TEX9: variants seen among roughly 807,000 people sequenced by gnomAD.
TEX9 encodes testis expressed 9, also known as testis-expressed protein 9.
In TEX9, 74 loss-of-function variants were observed where a neutral mutation model predicts 59.6. That is an observed-to-expected ratio of 1.24 (90% CI 1.03 to 1.51). TEX9 has a LOEUF of 1.51. Ranked by LOEUF, TEX9 falls within the 40% of genes most tolerant of loss-of-function variation. The pLI, the probability that TEX9 is intolerant of heterozygous loss-of-function variation, is 0.00. For synonymous variants in TEX9, 186 were observed against 152.2 expected, an observed-to-expected ratio of 1.22 and a Z score of -1.64; for missense variants, 522 against 447.8, an observed-to-expected ratio of 1.17 and a Z score of -1.49.
intron 1 of TEX9, among the ~76,000 whole-genome samples, chr15:56,281,798 A>T (rs1005839907): frequency 6.6e-6 from 1 of 152,178 alleles, no homozygotes. Context: ...CATGGTTATT[A>T]TTATGCTTTA....
intron 9 of TEX9, 26 bp from the exon 10 acceptor site, chr15:56,412,276 G>C: frequency 1.3e-6 from 2 of 1,571,852 alleles, no homozygotes; most frequent in Non-Finnish European, 1.7e-6. Context: ...ATTTATAAAT[G>C]TTCCATAATC....
At chr15:56,441,423 T>C (rs778889863) in intron 12 of TEX9, among the ~76,000 whole-genome samples, 5 of 152,172 alleles carry the variant, frequency 3.3e-5, no homozygotes, top group Non-Finnish European at 7.3e-5. Flanking sequence ...CAATACGATA[T>C]CCTGCGGTTC....
At chr15:56,432,915 G>T (rs1449121263) in intron 12 of TEX9, among the ~76,000 whole-genome samples, 3 of 152,050 alleles carry the variant, frequency 2.0e-5, no homozygotes, top group African/African-American at 7.2e-5. Flanking sequence ...TCTTCCTACC[G>T]ATTTTCAAAA....
the TEX9 span, among the ~76,000 whole-genome samples, chr15:56,457,680 G>C: frequency 6.6e-6 from 1 of 151,954 alleles, no homozygotes; most frequent in Non-Finnish European, 1.5e-5. Flanking sequence ...CAGGTGTGGT[G>C]GCACAAATCT....
chr15:56,292,118 T>C (rs930967739), intron 1 of TEX9, among the ~76,000 whole-genome samples: 1 of 152,246 alleles, frequency 6.6e-6, no homozygotes, highest in Admixed American at 6.5e-5. Context: ...TCCCCATAGT[T>C]AGGATACATG....
intron 12 of TEX9, among the ~76,000 whole-genome samples, chr15:56,435,204 A>G (rs900084526): frequency 6.6e-6 from 1 of 152,026 alleles, no homozygotes; most frequent in Admixed American, 6.6e-5. Context: ...TATATATAGC[A>G]CTAAATGCAT....
intron 10 of TEX9, among the ~76,000 whole-genome samples, chr15:56,426,600 T>TATATAC (rs2050272516): frequency 4.2e-5 from 1 of 24,054 alleles, no homozygotes; most frequent in East Asian, 7.5e-4. Context: ...TATATATATA[T>TATATAC]ATATATATAT....
intron 9 of TEX9, chr15:56,408,385 A>G (rs2049179653): frequency 6.6e-6 from 1 of 152,228 alleles, no homozygotes; most frequent in Admixed American, 6.5e-5. Flanking sequence ...CTTCTGGAGC[A>G]CCACAATCAT....
Position 56,383,991 on chromosome 15 carries a change from C to T in TEX9, c.223C>T (p.Gln75Ter). 2 of 1,612,424 alleles carry T rather than the reference C, an allele frequency of 1.2e-6. No homozygotes were observed. Among genetic ancestry groups the T allele is most frequent in the Non-Finnish European group, 1.7e-6 (2 of 1,179,180 alleles). ...AGTACGATCTAGGCCTGTTTCAACACAAATGAAATCATGTGATGACGAAGA... is the reference window on the plus strand; with the variant it reads ...AGTACGATCTAGGCCTGTTTCAACATAAATGAAATCATGTGATGACGAAGA... Residue 75 changes from glutamine to a stop codon, truncating the protein, a stop_gained, in exon 4 of 13, where the codon CAA becomes TAA. Coordinates refer to ENST00000352903, the Ensembl canonical transcript of TEX9. LOFTEE classifies it high-confidence loss of function.
At chr15:56,446,733 A>C (rs548473594), downstream of TEX9, 1 of 735,460 alleles carries the variant, frequency 1.4e-6, no homozygotes, top group East Asian at 2.8e-5. Flanking sequence ...ATATTTAAGA[A>C]ATCTAGCAGT....
chr15:56,338,568 A>G (rs932136535), intron 1 of TEX9, among the ~76,000 whole-genome samples: 15 of 26,286 alleles, frequency 5.7e-4, no homozygotes, highest in Non-Finnish European at 3.9e-3. Context: ...TATATTTGAA[A>G]TGGTTATTAT....
intron 1 of TEX9, among the ~76,000 whole-genome samples, chr15:56,278,588 G>T (rs2044737702): frequency 6.6e-6 from 1 of 152,150 alleles, no homozygotes; most frequent in South Asian, 2.1e-4. Flanking sequence ...TCTTTATGGG[G>T]ATATGGGTAG....
chr15:56,279,318 A>G (rs1258587242), intron 1 of TEX9, among the ~76,000 whole-genome samples: 1 of 152,230 alleles, frequency 6.6e-6, no homozygotes, highest in African/African-American at 2.4e-5. Context: ...ACTGTGTTAA[A>G]CAGGAGACCT....
At chr15:56,305,631 G>T (rs2045464808) in intron 1 of TEX9, among the ~76,000 whole-genome samples, 1 of 152,134 alleles carries the variant, frequency 6.6e-6, no homozygotes, top group Admixed American at 6.6e-5. Context: ...AATCAAAGTG[G>T]ATTAAACACT....
chr15:56,435,249 C>G (rs1031207625), intron 12 of TEX9, among the ~76,000 whole-genome samples: 1 of 151,704 alleles, frequency 6.6e-6, no homozygotes, highest in South Asian at 2.1e-4. Flanking sequence ...ATAATCTAAG[C>G]CCCCACTTCA....
chr15:56,443,881 T>C, intron 12 of TEX9: 1 of 1,461,326 alleles, frequency 6.8e-7, no homozygotes, highest in Non-Finnish European at 9.3e-7. Flanking sequence ...AGTACAGATT[T>C]ATAGTAAACA....
intron 10 of TEX9, among the ~76,000 whole-genome samples, chr15:56,420,536 A>G (rs795799): frequency 1 from 151,814 of 151,922 alleles, 75,855 homozygotes; most frequent in Non-Finnish European, 1. Context: ...TCGAACTACT[A>G]ACCTCGTGAT....
rs1304796720 is a variant in TEX9, at chr15:56,341,994, GT to G, written c.-106-31438del. Among the ~76,000 whole-genome samples the G allele has an allele frequency of 1.3e-4, 19 of 150,968 alleles. No homozygotes were observed. In the South Asian group the frequency reaches 2.7e-3, roughly 22 times the overall value. ...GTTCTCAAATTTTCTTGTCAGCTAT[GT>G]TTTTTTTTGATAAGTGAACTTTTTC... On this transcript the variant is annotated intron_variant, in intron 1 of 5. Coordinates refer to the TEX9 transcript ENST00000560827.
chr15:56,265,059 G>A (rs898555934), intron 1 of TEX9, among the ~76,000 whole-genome samples: 9 of 151,776 alleles, frequency 5.9e-5, no homozygotes, highest in African/African-American at 2.2e-4. Flanking sequence ...CTTCTTTTCA[G>A]TTTTTTGTGT....
Sources: gnomAD v4.1 joint callset for allele counts (sites outside exome capture counted in the v4.1 genomes callset) on GRCh38, gnomAD v4.1.1 for gene constraint, MANE v1.5 for transcripts, NCBI Gene and HGNC (gene_info 2026-07-23, HGNC 2026-07-21) for gene names.